The following SPPL3 variants were observed in gnomAD, a reference collection of about 807,000 sequenced individuals.
The protein encoded by SPPL3 is signal peptide peptidase like 3, also known as signal peptide peptidase-like 3.
A neutral mutation model predicts 42.4 loss-of-function variants in SPPL3; 5 were observed. The ratio of observed to expected loss-of-function variants is 0.12; its 90% CI spans 0.06 to 0.25. The LOEUF (loss-of-function observed/expected upper bound fraction) is 0.25. Ranked by LOEUF, SPPL3 falls within the 10% of genes least tolerant of loss-of-function variation. SPPL3 has a pLI of 1.00. For missense variants in SPPL3, 235 were observed against 489.0 expected, an observed-to-expected ratio of 0.48 and a Z score of 4.90; for synonymous variants, 195 against 181.8, an observed-to-expected ratio of 1.07 and a Z score of -0.58.
chr12:120,767,044 G>T (rs1040842864), intron 9 of SPPL3, among the ~76,000 whole-genome samples: 53 of 152,326 alleles, frequency 3.5e-4, no homozygotes, highest in African/African-American at 1.3e-3. Flanking sequence ...TAGAACTAAT[G>T]AATGTAAGTA....
intron 1 of SPPL3, among the ~76,000 whole-genome samples, chr12:120,858,992 T>TA (rs2052757544): frequency 6.6e-5 from 10 of 152,322 alleles, no homozygotes; most frequent in Middle Eastern, 3.4e-3. Flanking sequence ...TCTAGGGTCC[T>TA]TATAAGAGAT....
intron 1 of SPPL3, among the ~76,000 whole-genome samples, chr12:120,869,175 C>G (rs1242298966): frequency 6.6e-6 from 1 of 152,158 alleles, no homozygotes; most frequent in African/African-American, 2.4e-5. Context: ...TGAAACATCA[C>G]CATGAATGTG....
chr12:120,884,465 CTAAG>C (rs1202089522), intron 1 of SPPL3, among the ~76,000 whole-genome samples: 1 of 150,938 alleles, frequency 6.6e-6, no homozygotes, highest in South Asian at 2.1e-4. Flanking sequence ...CATAAATTTT[CTAAG>C]TAAGTTAAAT....
intron 1 of SPPL3, among the ~76,000 whole-genome samples, chr12:120,889,109 C>T (rs749077863): frequency 2.0e-5 from 3 of 152,088 alleles, no homozygotes; most frequent in Admixed American, 6.6e-5. Context: ...CCACCACACC[C>T]GGCCCGTGAA....
At chr12:120,845,345 A>G (rs1320872823) in intron 1 of SPPL3, 7 of 357,282 alleles carry the variant, frequency 2.0e-5, no homozygotes, top group Non-Finnish European at 2.8e-5. Flanking sequence ...AACTCCTCGC[A>G]GGCCTCAATC....
intron 2 of SPPL3, among the ~76,000 whole-genome samples, chr12:120,796,284 G>A (rs1592966818): frequency 1.3e-5 from 2 of 152,270 alleles, no homozygotes; most frequent in African/African-American, 4.8e-5. Flanking sequence ...GCTGAGGCAG[G>A]AGAATTGCTT....
intron 2 of SPPL3, among the ~76,000 whole-genome samples, chr12:120,807,618 G>A (rs1870542014): frequency 1.3e-5 from 2 of 150,454 alleles, no homozygotes; most frequent in Admixed American, 6.6e-5. Flanking sequence ...AGGTTGTGGT[G>A]AGCAGAGATT....
At position 120,816,169 on chromosome 12, in the gene SPPL3, T is replaced by C. The variant is rs368384449; in HGVS notation, c.24-5283A>G. The stretch of plus-strand genomic sequence containing the variant: ...TTTGACCATGTGCAAAATATAAGAG[T>C]GTGACTAAGGTTGCCAGATCTCACC... On this transcript the variant is annotated intron_variant, in intron 1 of 10. Coordinates refer to ENST00000353487, the MANE Select transcript of SPPL3 (RefSeq NM_139015.5). 2.0e-5 allele frequency among the ~76,000 whole-genome samples: 3 copies of C among 152,118 alleles called. No individual in the cohort carries two copies. The South Asian group carries it at 6.2e-4, about 32-fold the overall frequency.
chr12:120,838,831 T>A (rs1309803489), intron 1 of SPPL3, among the ~76,000 whole-genome samples: 2 of 152,158 alleles, frequency 1.3e-5, no homozygotes, highest in Non-Finnish European at 2.9e-5. Flanking sequence ...CCAGTTAGAA[T>A]GGCAATCATT....
chr12:120,837,483 C>A (rs1871660555), intron 1 of SPPL3, among the ~76,000 whole-genome samples: 1 of 152,144 alleles, frequency 6.6e-6, no homozygotes, highest in South Asian at 2.1e-4. Context: ...CTTAGTTCTT[C>A]CTGAATCCAA....
At chr12:120,852,739 A>ATGAAAT (rs1411277536) in intron 1 of SPPL3, among the ~76,000 whole-genome samples, 906 of 24,024 alleles carry the variant, frequency 0.038, 103 homozygotes, top group South Asian at 0.18. Context: ...ATATACATAT[A>ATGAAAT]ATATATTTCA....
chr12:120,816,583 C>A (rs1325144484), intron 1 of SPPL3, among the ~76,000 whole-genome samples: 1 of 152,174 alleles, frequency 6.6e-6, no homozygotes, highest in Non-Finnish European at 1.5e-5. Context: ...ACGGTCTTGG[C>A]TCAGTGAAAC....
At chr12:120,902,279 T>C (rs1471706533) in intron 1 of SPPL3, among the ~76,000 whole-genome samples, 2 of 152,196 alleles carry the variant, frequency 1.3e-5, no homozygotes, top group African/African-American at 4.8e-5. Context: ...TCAATGAAGT[T>C]CTCTTAAGAA....
At chr12:120,772,863 C>T (rs190565121) in intron 6 of SPPL3, among the ~76,000 whole-genome samples, 7 of 152,324 alleles carry the variant, frequency 4.6e-5, no homozygotes, top group African/African-American at 1.2e-4. Context: ...TGTTATCAAG[C>T]GCTCACTGAG....
intron 1 of SPPL3, among the ~76,000 whole-genome samples, chr12:120,812,062 G>C (rs1321829331): frequency 1.3e-5 from 2 of 150,324 alleles, no homozygotes; most frequent in Non-Finnish European, 2.9e-5. Context: ...AAGAATTGCA[G>C]TGATCCCTAG....
chr12:120,800,872 TCAGGCACTGC>T (rs908239898), intron 2 of SPPL3, among the ~76,000 whole-genome samples: 8 of 152,216 alleles, frequency 5.3e-5, no homozygotes, highest in African/African-American at 1.9e-4. Context: ...GCTCATACTG[TCAGGCACTGC>T]TAGGTGCTTT....
chr12:120,859,507 T>G (rs1391842284), intron 1 of SPPL3, among the ~76,000 whole-genome samples: 2 of 152,216 alleles, frequency 1.3e-5, no homozygotes, highest in Non-Finnish European at 2.9e-5. Context: ...ACAAAAAAGT[T>G]TTTGTTTTTT....
chr12:120,815,276 G>A (rs747969401), intron 1 of SPPL3, among the ~76,000 whole-genome samples: 7 of 152,182 alleles, frequency 4.6e-5, no homozygotes, highest in Non-Finnish European at 8.8e-5. Flanking sequence ...TCCAAAGTGA[G>A]TATTGTCTAA....
chr12:120,904,037 G>A lies in SPPL3; in HGVS notation c.-170C>T, dbSNP rs1221491415. ...GGAAGGCGGCTGGCGGGGAGAGGCCGGGCTCCGAAGCGGCCCCGCTCCCTG... is the reference window on the plus strand; with the variant it reads ...GGAAGGCGGCTGGCGGGGAGAGGCCAGGCTCCGAAGCGGCCCCGCTCCCTG... On this transcript the variant is annotated 5_prime_UTR_variant, in exon 1 of 11. Transcript: ENST00000353487. 1.4e-5 allele frequency: 6 copies of A among 439,834 alleles called. No homozygotes were observed. The highest frequency in any genetic ancestry group is 1.0e-4 in the South Asian group (1 of 9,546). The allele number at this position is 439,834 out of a possible 1,614,324, so 27.2% of individuals were successfully genotyped here. A position where few individuals can be genotyped will look rare whatever the true frequency, so the allele number is the denominator to read the frequency against.
Sources: gnomAD v4.1 joint callset for allele counts (sites outside exome capture counted in the v4.1 genomes callset) on GRCh38, gnomAD v4.1.1 for gene constraint, MANE v1.5 for transcripts, NCBI Gene and HGNC (gene_info 2026-07-23, HGNC 2026-07-21) for gene names.